SHISA9: variants seen among roughly 807,000 people sequenced by gnomAD.
The protein encoded by SHISA9 is shisa family member 9.
A neutral mutation model predicts 38.0 loss-of-function variants in SHISA9; 13 were observed. That is an observed-to-expected ratio of 0.34 (90% CI 0.22 to 0.54). The LOEUF (loss-of-function observed/expected upper bound fraction) is 0.54. Ranked by LOEUF, SHISA9 falls within the 20% of genes least tolerant of loss-of-function variation. The pLI, the probability that SHISA9 is intolerant of heterozygous loss-of-function variation, is 0.91. For synonymous variants in SHISA9, 275 were observed against 242.0 expected (o/e 1.14, Z -1.27); for missense variants, 538 against 575.8 (o/e 0.93, Z 0.67).
chr16:13,140,555 T>C (rs950092619), intron 2 of SHISA9, among the ~76,000 whole-genome samples: 4 of 152,176 alleles, frequency 2.6e-5, no homozygotes, highest in Admixed American at 2.6e-4. Flanking sequence ...AGATTTATTA[T>C]AGCAAGTTCT....
At chr16:12,911,839 A>C (rs765921595) in intron 1 of SHISA9, among the ~76,000 whole-genome samples, 7 of 152,214 alleles carry the variant, frequency 4.6e-5, no homozygotes, top group African/African-American at 1.7e-4. Context: ...TTTAAACCAC[A>C]TGTCTGCTTT....
At chr16:13,481,476 C>G in the SHISA9 span, among the ~76,000 whole-genome samples, 2 of 152,320 alleles carry the variant, frequency 1.3e-5, no homozygotes, top group Admixed American at 1.3e-4. Context: ...GTCAGGCTGT[C>G]CTCAACCATG....
At chr16:13,143,097 C>G (rs1181096934) in intron 2 of SHISA9, among the ~76,000 whole-genome samples, 1 of 151,558 alleles carries the variant, frequency 6.6e-6, no homozygotes, top group Admixed American at 6.6e-5. Context: ...ACCTCTGCCT[C>G]CCGGATTCAA....
In SHISA9 at chr16:12,970,905, T is replaced by C. The variant is rs755685497; in HGVS notation, c.691+54090T>C. ...TTATCTATTTCATTCACTTACTGTA[T>C]TTGTCTGCAGTGCCTCGAACAGTGT... On this transcript the variant is annotated intron_variant, in intron 2 of 4. Transcript: ENST00000558583. Among the ~76,000 whole-genome samples the C allele has an allele frequency of 3.3e-5, 5 of 152,196 alleles. No homozygotes were observed. The East Asian group carries it at 9.7e-4, about 29-fold the overall frequency.
At chr16:13,373,521 G>A in the SHISA9 span, among the ~76,000 whole-genome samples, 2 of 152,184 alleles carry the variant, frequency 1.3e-5, no homozygotes, top group Non-Finnish European at 2.9e-5. Context: ...CCAGCACTTT[G>A]GGAGGCCGAG....
chr16:13,537,153 C>T, the SHISA9 span, among the ~76,000 whole-genome samples: 1 of 152,022 alleles, frequency 6.6e-6, no homozygotes. Context: ...AAGGGCCAGG[C>T]CTGGTGGCTC....
At chr16:13,179,320 AAAAACAAAAC>A (rs139437324) in intron 2 of SHISA9, among the ~76,000 whole-genome samples, 61 of 152,196 alleles carry the variant, frequency 4.0e-4, no homozygotes, top group African/African-American at 1.4e-3. Context: ...TCAATAAAAC[AAAAACAAAAC>A]AAAACAAAAC....
At chr16:13,241,707 CA>C (rs971114657), downstream of SHISA9, among the ~76,000 whole-genome samples, 2 of 152,098 alleles carry the variant, frequency 1.3e-5, no homozygotes, top group African/African-American at 4.8e-5. Context: ...CAATGTCAAG[CA>C]AAGGGGAGAT....
At chr16:13,156,733 CAAA>C (rs11289895) in intron 2 of SHISA9, among the ~76,000 whole-genome samples, 1,150 of 111,410 alleles carry the variant, frequency 0.01, 10 homozygotes, top group Middle Eastern at 0.024. Context: ...GACTCCGTCT[CAAA>C]AAAAAAAAAA....
chr16:13,146,992 T>C (rs2050453061), intron 2 of SHISA9, among the ~76,000 whole-genome samples: 1 of 152,066 alleles, frequency 6.6e-6, no homozygotes, highest in Admixed American at 6.6e-5. Context: ...TATCAATTGC[T>C]CAACATATTT....
chr16:13,328,553 C>T, the SHISA9 span, among the ~76,000 whole-genome samples: 2 of 151,160 alleles, frequency 1.3e-5, no homozygotes, highest in African/African-American at 4.9e-5. Context: ...GCTAGAATTA[C>T]AGGTGCCCAC....
At chr16:13,421,480 C>G in the SHISA9 span, among the ~76,000 whole-genome samples, 2 of 152,150 alleles carry the variant, frequency 1.3e-5, no homozygotes, top group African/African-American at 4.8e-5. Flanking sequence ...GACTTATTCA[C>G]TACCACGAGA....
chr16:13,121,128 C>G (rs1040301023), intron 2 of SHISA9, among the ~76,000 whole-genome samples: 3 of 151,594 alleles, frequency 2.0e-5, no homozygotes, highest in African/African-American at 7.3e-5. Context: ...TCATTGAGCC[C>G]CAGCTTGGGC....
chr16:13,280,648 A>C, the SHISA9 span, among the ~76,000 whole-genome samples: 1 of 151,854 alleles, frequency 6.6e-6, no homozygotes, highest in Non-Finnish European at 1.5e-5. Flanking sequence ...TGTTGTAACG[A>C]GAGTATATAC....
the SHISA9 span, among the ~76,000 whole-genome samples, chr16:13,454,790 A>G: frequency 2.0e-4 from 30 of 152,272 alleles, no homozygotes; most frequent in African/African-American, 7.0e-4. Flanking sequence ...ACTTTCTCCA[A>G]AATTGGAGAT....
chr16:13,349,493 G>A, the SHISA9 span, among the ~76,000 whole-genome samples: 1 of 152,190 alleles, frequency 6.6e-6, no homozygotes. Context: ...AGAAGGAGGA[G>A]GTACTGGGAG....
intron 2 of SHISA9, among the ~76,000 whole-genome samples, chr16:12,974,769 G>A (rs2072134540): frequency 6.6e-6 from 1 of 152,042 alleles, no homozygotes; most frequent in South Asian, 2.1e-4. Context: ...CTAAGTCTAT[G>A]TGAAATTGTA....
At chr16:13,073,166 A>G (rs2073538311) in intron 2 of SHISA9, among the ~76,000 whole-genome samples, 1 of 151,904 alleles carries the variant, frequency 6.6e-6, no homozygotes, top group African/African-American at 2.4e-5. Context: ...CACAGGTAGC[A>G]AAATGCACAG....
chr16:13,016,810 G>A (rs1178563156), intron 2 of SHISA9, among the ~76,000 whole-genome samples: 3 of 152,170 alleles, frequency 2.0e-5, no homozygotes, highest in African/African-American at 7.2e-5. Context: ...TCAGGGACAT[G>A]TTGTTGTGGT....
Sources: allele counts gnomAD v4.1 joint callset (sites outside exome capture counted in the v4.1 genomes callset), GRCh38; gene constraint gnomAD v4.1.1; transcripts MANE v1.5; gene names NCBI Gene and HGNC (gene_info 2026-07-23, HGNC 2026-07-21).